Variants in OTC observed in about 807,000 individuals in gnomAD.
The protein encoded by OTC is ornithine transcarbamylase, mitochondrial.
A neutral mutation model predicts 30.3 loss-of-function variants in OTC; 3 were observed. That is an observed-to-expected ratio of 0.10 (90% CI 0.05 to 0.26). The LOEUF (loss-of-function observed/expected upper bound fraction) is 0.26. Ranked by LOEUF, OTC falls within the 10% of genes least tolerant of loss-of-function variation. The probability of loss-of-function intolerance (pLI) is 1.00; values close to 1 mark genes in which losing one functional copy is unlikely to be tolerated. For synonymous variants in OTC, 111 were observed against 99.7 expected (o/e 1.11, Z -0.67); for missense variants, 194 against 260.3 (o/e 0.75, Z 1.75).
At chrX:38,382,044 A>G (rs776982954) in intron 4 of OTC, among the ~76,000 whole-genome samples, 5 of 112,090 alleles carry the variant, frequency 4.5e-5, no homozygotes, top group Non-Finnish European at 1.9e-5. Flanking sequence ...TGATTCTACC[A>G]TCTTCAACAT....
chrX:38,421,745 A>G (rs756844743), downstream of OTC, among the ~76,000 whole-genome samples: 37 of 112,281 alleles, frequency 3.3e-4, no homozygotes, highest in Non-Finnish European at 5.8e-4. Context: ...TACAAGCCAT[A>G]AGAAGCTTTT....
At chrX:38,349,110 A>G (rs769248414), upstream of OTC, among the ~76,000 whole-genome samples, 46 of 111,645 alleles carry the variant, frequency 4.1e-4, no homozygotes, top group Non-Finnish European at 8.1e-4. Flanking sequence ...TTGAGTTTCC[A>G]TAGAAGCAGA....
At chrX:38,361,112 T>C (rs2068269253) in intron 1 of OTC, among the ~76,000 whole-genome samples, 1 of 111,597 alleles carries the variant, frequency 9.0e-6, no homozygotes, top group African/African-American at 3.3e-5. Flanking sequence ...AAGACCAGCC[T>C]GGTCAACATG....
At chrX:38,416,761 C>T (rs919233193) in intron 9 of OTC, among the ~76,000 whole-genome samples, 2 of 111,697 alleles carry the variant, frequency 1.8e-5, no homozygotes, top group Non-Finnish European at 1.9e-5. Context: ...ACTGTTTGTC[C>T]GTGTTTATTT....
At chrX:38,393,671 A>G (rs931481143) in intron 4 of OTC, among the ~76,000 whole-genome samples, 10 of 112,542 alleles carry the variant, frequency 8.9e-5, no homozygotes, top group African/African-American at 2.6e-4. Context: ...TGGCCACTAG[A>G]CAATAATTTT....
intron 9 of OTC, among the ~76,000 whole-genome samples, chrX:38,418,644 C>T (rs2068580964): frequency 2.7e-5 from 3 of 111,806 alleles, no homozygotes; most frequent in Non-Finnish European, 3.8e-5. Context: ...GTGGGAGGGA[C>T]TGGTGGGAGA....
intron 4 of OTC, among the ~76,000 whole-genome samples, chrX:38,385,681 AG>A (rs1295976360): frequency 1.8e-5 from 2 of 112,103 alleles, no homozygotes; most frequent in African/African-American, 6.5e-5. Context: ...TTTTTAAAAA[AG>A]CACCTTACAG....
At chrX:38,334,903 A>G in the OTC span, among the ~76,000 whole-genome samples, 2 of 111,479 alleles carry the variant, frequency 1.8e-5, no homozygotes, top group African/African-American at 6.5e-5. Context: ...GAATGAAGGC[A>G]TTAGACTCTC....
intron 8 of OTC, among the ~76,000 whole-genome samples, chrX:38,411,598 G>A (rs1011301259): frequency 2.7e-5 from 3 of 109,437 alleles, no homozygotes; most frequent in Non-Finnish European, 5.7e-5. Context: ...CTCTGGAGGC[G>A]GAGGTTGCAG....
chrX:38,401,174 T>G, intron 4 of OTC, 101 bp from the exon 5 acceptor site: 1 of 650,241 alleles, frequency 1.5e-6, no homozygotes, highest in Non-Finnish European at 2.5e-6. Context: ...TAGTAAAAAT[T>G]CTATTTATTA....
chrX:38,342,011 CTTT>C, the OTC span, among the ~76,000 whole-genome samples: 440 of 28,582 alleles, frequency 0.015, 8 homozygotes, highest in African/African-American at 0.068. Flanking sequence ...TTAAATTTCA[CTTT>C]TTTTTTTTTT....
At chrX:38,420,518 G>A (rs998877297) in intron 9 of OTC, among the ~76,000 whole-genome samples, 7 of 110,329 alleles carry the variant, frequency 6.3e-5, no homozygotes, top group Admixed American at 2.0e-4. Flanking sequence ...AAGGGGAAGC[G>A]GTATACTCTT....
At chrX:38,398,489 A>G (rs1363165366) in intron 4 of OTC, among the ~76,000 whole-genome samples, 1 of 111,923 alleles carries the variant, frequency 8.9e-6, no homozygotes, top group East Asian at 2.8e-4. Flanking sequence ...CAGAAGGTCA[A>G]CTGCAGTGTT....
chrX:38,380,863 G>A lies in OTC; in HGVS notation c.299-479G>A, dbSNP rs2068372508. ...CCTGCCTCAGCCTCCCGACTAGCTGGGATTACAGGCGCCTGCCACCACGTC... is the reference window on the plus strand; with the variant it reads ...CCTGCCTCAGCCTCCCGACTAGCTGAGATTACAGGCGCCTGCCACCACGTC... On this transcript the variant is annotated intron_variant, in intron 3 of 9. Coordinates refer to ENST00000039007, the MANE Select transcript of OTC (RefSeq NM_000531.6). Among the ~76,000 whole-genome samples, 3 of 111,500 alleles carry A rather than the reference G, an allele frequency of 2.7e-5. No individual in the cohort carries two copies. The South Asian group carries it at 1.1e-3, about 42-fold the overall frequency.
chrX:38,374,124 A>C (rs1425039741), intron 3 of OTC, among the ~76,000 whole-genome samples: 1 of 111,851 alleles, frequency 8.9e-6, no homozygotes, highest in Non-Finnish European at 1.9e-5. Context: ...AGAACGCGCC[A>C]CTGCTTCCAG....
chrX:38,384,570 G>A (rs778319620), intron 4 of OTC, among the ~76,000 whole-genome samples: 2 of 111,955 alleles, frequency 1.8e-5, no homozygotes, highest in Non-Finnish European at 3.8e-5. Context: ...CTCAGCAATC[G>A]CTTCCTTTGC....
In OTC at chrX:38,403,711, G is replaced by A. The variant is rs772049322; in HGVS notation, c.634G>A (p.Gly212Arg). The A allele has an allele frequency of 3.7e-5, 45 of 1,209,043 alleles. No individual in the cohort carries two copies. Among genetic ancestry groups the A allele is most frequent in the Non-Finnish European group, 4.1e-5 (37 of 894,488 alleles). ...HSIMMSAAKF[G>R]MHLQAATPKG... ...CATCATGATGAGCGCAGCGAAATTC[G>A]GAATGCACCTTCAGGCAGCTACTCC... Residue 212 changes from glycine to arginine, a missense_variant, in exon 6 of 10, where the codon GGA becomes AGA. Transcript: ENST00000039007.
Position 38,376,792 on chromosome X carries a change from C to A in OTC, c.299-4550C>A, listed in dbSNP as rs1210134886. 2.7e-5 allele frequency among the ~76,000 whole-genome samples: 3 copies of A among 112,008 alleles called. No homozygotes were observed. The East Asian group carries it at 8.4e-4, about 31-fold the overall frequency. Reference sequence around the variant, plus strand: ...CCAATTCAGCAAGAGAATATAACAACAATAAATATATATGAACCCAATGCT... The same window carrying A: ...CCAATTCAGCAAGAGAATATAACAAAAATAAATATATATGAACCCAATGCT... On this transcript the variant is annotated intron_variant, in intron 3 of 9. Coordinates refer to ENST00000039007, the MANE Select transcript of OTC (RefSeq NM_000531.6).
rs973531855 is a variant in OTC, at chrX:38,362,185, A to G, written c.78-5106A>G. ...GGATCTAAACTTTCGATTATTCTAG[A>G]TGAATAAATTCTAGAGATCTGCTGT... On this transcript the variant is annotated intron_variant, in intron 1 of 9. Coordinates refer to ENST00000039007, the MANE Select transcript of OTC (RefSeq NM_000531.6). 2.7e-5 allele frequency among the ~76,000 whole-genome samples: 3 copies of G among 111,999 alleles called. No individual in the cohort carries two copies. The Admixed American group carries it at 2.9e-4, about 11-fold the overall frequency.
Sources: gnomAD v4.1 joint callset for allele counts (sites outside exome capture counted in the v4.1 genomes callset) on GRCh38, gnomAD v4.1.1 for gene constraint, MANE v1.5 for transcripts, NCBI Gene and HGNC (gene_info 2026-07-23, HGNC 2026-07-21) for gene names.